Variants in NLK observed in about 807,000 individuals in gnomAD.
NLK encodes serine/threonine-protein kinase NLK.
NLK carries 11 observed loss-of-function variants against 59.0 expected under a neutral mutation model. The ratio of observed to expected loss-of-function variants is 0.19; its 90% CI spans 0.12 to 0.31. The LOEUF is 0.31. Ranked by LOEUF, NLK falls within the 10% of genes least tolerant of loss-of-function variation. The probability of loss-of-function intolerance (pLI) is 1.00; values close to 1 mark genes in which losing one functional copy is unlikely to be tolerated. For synonymous variants in NLK, 235 were observed against 235.9 expected (o/e 1.00, Z 0.03); for missense variants, 410 against 661.1 (o/e 0.62, Z 4.16).
chr17:28,195,016 A>ACACACAC lies in NLK; in HGVS notation c.*380_*381insCACACAC, dbSNP rs1567744135. On this transcript the variant is annotated 3_prime_UTR_variant, in exon 11 of 11. Transcript: ENST00000407008. ...ACACACACACACACACACACACACA[A>ACACACAC]ACACAAAGGACAGTCATACATTTTG... 1 of 150,590 alleles carries ACACACAC rather than the reference A, an allele frequency of 6.6e-6. No homozygotes were observed. Among genetic ancestry groups the ACACACAC allele is most frequent in the Non-Finnish European group, 1.4e-5 (1 of 70,502 alleles). The allele number at this position is 150,590 out of a possible 1,614,324, so 9.3% of individuals were successfully genotyped here.
intron 3 of NLK, among the ~76,000 whole-genome samples, chr17:28,150,228 G>C (rs1172684656): frequency 6.6e-6 from 1 of 152,182 alleles, no homozygotes; most frequent in Non-Finnish European, 1.5e-5. Flanking sequence ...GTAGCTTCAA[G>C]TAAACATTAA....
chr17:28,113,951 C>CT (rs1043574179), intron 1 of NLK, among the ~76,000 whole-genome samples: 12 of 150,954 alleles, frequency 7.9e-5, no homozygotes, highest in Non-Finnish European at 4.4e-5. Context: ...TTAACTTTGC[C>CT]TTTTTTTTTA....
intron 1 of NLK, among the ~76,000 whole-genome samples, chr17:28,097,219 A>G (rs1418960633): frequency 6.6e-6 from 1 of 152,206 alleles, no homozygotes; most frequent in Non-Finnish European, 1.5e-5. Flanking sequence ...AAATGTTCAA[A>G]TAACAAAATA....
chr17:28,181,258 C>T (rs1430417047), intron 7 of NLK, among the ~76,000 whole-genome samples: 3 of 151,926 alleles, frequency 2.0e-5, no homozygotes, highest in African/African-American at 7.3e-5. Flanking sequence ...AAATTAGCCA[C>T]GCGTGTGGCA....
intron 1 of NLK, among the ~76,000 whole-genome samples, chr17:28,105,918 A>G (rs193004013): frequency 1.9e-4 from 29 of 152,344 alleles, no homozygotes; most frequent in Admixed American, 7.2e-4. Context: ...CAACATATAA[A>G]GAAAATTTCT....
intron 1 of NLK, among the ~76,000 whole-genome samples, chr17:28,097,197 G>GAAA (rs1904733086): frequency 2.6e-5 from 4 of 152,052 alleles, no homozygotes; most frequent in Admixed American, 2.0e-4. Flanking sequence ...AACCTCTGAA[G>GAAA]GCAACATTAA....
chr17:28,126,475 A>C (rs1488573737), intron 2 of NLK, among the ~76,000 whole-genome samples: 1 of 152,236 alleles, frequency 6.6e-6, no homozygotes, highest in Non-Finnish European at 1.5e-5. Flanking sequence ...TTTTGAGAAC[A>C]AGATTTGATT....
At chr17:28,146,444 C>T (rs1486733547) in intron 3 of NLK, among the ~76,000 whole-genome samples, 4 of 151,998 alleles carry the variant, frequency 2.6e-5, no homozygotes, top group East Asian at 1.9e-4. Flanking sequence ...CCACCTAAAT[C>T]GTTTTCTGTG....
At chr17:28,203,141 G>A in the NLK span, among the ~76,000 whole-genome samples, 4 of 143,170 alleles carry the variant, frequency 2.8e-5, no homozygotes, top group African/African-American at 1.1e-4. Flanking sequence ...ACGTATGTGT[G>A]TGTATGAATG....
At chr17:28,179,731 CAA>C (rs1908823253) in intron 7 of NLK, among the ~76,000 whole-genome samples, 1 of 151,894 alleles carries the variant, frequency 6.6e-6, no homozygotes, top group Non-Finnish European at 1.5e-5. Flanking sequence ...GAGACTCAAA[CAA>C]AGAGACAGGA....
intron 3 of NLK, among the ~76,000 whole-genome samples, chr17:28,155,098 AAT>A (rs1443993919): frequency 6.6e-6 from 1 of 152,228 alleles, no homozygotes; most frequent in East Asian, 1.9e-4. Flanking sequence ...CACTTGGTTA[AAT>A]GAATTATAAT....
chr17:28,106,802 C>T (rs757167870), intron 1 of NLK, among the ~76,000 whole-genome samples: 5 of 152,096 alleles, frequency 3.3e-5, no homozygotes, highest in Non-Finnish European at 5.9e-5. Flanking sequence ...CATAAAAAAT[C>T]CCCATCACCA....
chr17:28,144,137 A>G (rs1597707317), intron 3 of NLK, among the ~76,000 whole-genome samples: 1 of 152,322 alleles, frequency 6.6e-6, no homozygotes, highest in South Asian at 2.1e-4. Flanking sequence ...TTTCTGCTTC[A>G]GCCTGAGATC....
chr17:28,092,333 AT>A (rs1161678239), intron 1 of NLK, among the ~76,000 whole-genome samples: 2 of 152,206 alleles, frequency 1.3e-5, no homozygotes, highest in African/African-American at 4.8e-5. Flanking sequence ...TCCAAAAAGA[AT>A]TTACATTGAA....
intron 1 of NLK, chr17:28,061,984 A>G (rs1597658898): frequency 1.3e-5 from 2 of 149,158 alleles, no homozygotes; most frequent in African/African-American, 4.9e-5. Flanking sequence ...CTTTAGTTCA[A>G]GCAGTTGCTT....
intron 1 of NLK, among the ~76,000 whole-genome samples, chr17:28,067,642 C>T (rs1356796686): frequency 6.6e-6 from 1 of 151,606 alleles, no homozygotes; most frequent in Non-Finnish European, 1.5e-5. Context: ...TAGATTTGGG[C>T]AGTTAGCATG....
intron 5 of NLK, 48 bp from the exon 6 acceptor site, chr17:28,168,400 T>C: frequency 7.1e-7 from 1 of 1,399,536 alleles, no homozygotes. Context: ...TGTTTTACTC[T>C]TTCATTTGTA....
chr17:28,049,948 C>G lies in NLK; in HGVS notation c.458+6617C>G, dbSNP rs1265287018. On this transcript the variant is annotated intron_variant, in intron 1 of 10. Transcript: ENST00000407008. ...TGAGCCAAGATCGTGCCGTTTCACT[C>G]CAGCCTGGACAACAAGAGTGAAACT... is the stretch of plus-strand genomic sequence containing the variant. Among the ~76,000 whole-genome samples, 4 of 152,144 alleles carry G rather than the reference C, an allele frequency of 2.6e-5. No individual in the cohort carries two copies. In the South Asian group the frequency reaches 6.2e-4, roughly 24 times the overall value.
At chr17:28,185,483 T>A (rs1398452817) in intron 8 of NLK, among the ~76,000 whole-genome samples, 1 of 152,194 alleles carries the variant, frequency 6.6e-6, no homozygotes, top group African/African-American at 2.4e-5. Context: ...TGGATCTTAT[T>A]TAACTCTTAT....
Sources: gnomAD v4.1 joint callset for allele counts (sites outside exome capture counted in the v4.1 genomes callset) on GRCh38, gnomAD v4.1.1 for gene constraint, MANE v1.5 for transcripts, NCBI Gene and HGNC (gene_info 2026-07-23, HGNC 2026-07-21) for gene names.